Variants in DNAH3 observed in about 807,000 individuals in gnomAD.
DNAH3 encodes axonemal beta dynein heavy chain 3.
A neutral mutation model predicts 432.5 loss-of-function variants in DNAH3; 332 were observed. That is an observed-to-expected ratio of 0.77 (90% confidence interval 0.70 to 0.84). DNAH3 has a LOEUF of 0.84. Ranked by LOEUF, DNAH3 falls within the 40% of genes least tolerant of loss-of-function variation. DNAH3 has a pLI of 0.00. For synonymous variants in DNAH3, 1,956 were observed against 1,900.2 expected, an observed-to-expected ratio of 1.03 and a Z score of -0.76; for missense variants, 4,861 against 5,114.0, an observed-to-expected ratio of 0.95 and a Z score of 1.51.
intron 23 of DNAH3, among the ~76,000 whole-genome samples, chr16:21,068,848 T>G (rs1302406044): frequency 6.6e-6 from 1 of 152,132 alleles, no homozygotes; most frequent in African/African-American, 2.4e-5. Context: ...TAATACAAAC[T>G]GCCTATAGTT....
At chr16:21,157,286 G>C (rs1048784008) in intron 1 of DNAH3, among the ~76,000 whole-genome samples, 13 of 150,796 alleles carry the variant, frequency 8.6e-5, no homozygotes, top group Non-Finnish European at 4.4e-5. Context: ...GTTCTCGACA[G>C]CCACAGCCAC....
intron 7 of DNAH3, among the ~76,000 whole-genome samples, chr16:21,132,414 G>A (rs781639079): frequency 5.9e-5 from 9 of 152,260 alleles, no homozygotes; most frequent in South Asian, 2.1e-4. Context: ...AGTGAACTCC[G>A]GTGTCTTCAT....
intron 24 of DNAH3, 96 bp downstream of exon 24, chr16:21,067,187 T>C: frequency 7.5e-7 from 1 of 1,338,046 alleles, no homozygotes. Context: ...GAGTATGGAC[T>C]AGATTGGTTG....
At chr16:20,950,672 T>A (rs897698534) in intron 56 of DNAH3, among the ~76,000 whole-genome samples, 1 of 152,194 alleles carries the variant, frequency 6.6e-6, no homozygotes, top group Non-Finnish European at 1.5e-5. Context: ...GGAAATTGGG[T>A]GTGATCTTGA....
chr16:21,070,866 C>A (rs781515422), intron 21 of DNAH3, 40 bp from the exon 22 acceptor site: 6 of 1,245,238 alleles, frequency 4.8e-6, no homozygotes, highest in Non-Finnish European at 7.1e-6. Flanking sequence ...GATTGTGAAA[C>A]CTCCCCATTT....
At chr16:20,980,726 A>G (rs751581632) in intron 49 of DNAH3, among the ~76,000 whole-genome samples, 6 of 152,304 alleles carry the variant, frequency 3.9e-5, no homozygotes, top group Non-Finnish European at 7.4e-5. Context: ...CAGAATTACC[A>G]TGGAAACCAA....
chr16:20,941,587 A>G (rs748505014), intron 58 of DNAH3, 44 bp from the exon 59 acceptor site: 1 of 1,608,658 alleles, frequency 6.2e-7, no homozygotes, highest in Non-Finnish European at 8.5e-7. Flanking sequence ...AGCAAGCCCT[A>G]CAGGCTGTGG....
intron 42 of DNAH3, 63 bp from the exon 43 acceptor site, chr16:21,000,581 T>C (rs2086971790): frequency 1.4e-6 from 2 of 1,445,664 alleles, no homozygotes; most frequent in Non-Finnish European, 1.9e-6. Flanking sequence ...GTCTTGGCAT[T>C]CAAGAGACCT....
rs747112039 is a variant in DNAH3 at position 20,982,714 on chromosome 16, C to T, written c.7859+7G>A. On this transcript the variant is annotated splice_region_variant and intron_variant, in intron 49 of 61. Transcript: ENST00000261383. ...ATCTAGAGTCCTAAAATGCAATCAA[C>T]ACTTACTCTACCCGAATGTTGTCAT... 23 of 1,611,998 alleles carry T rather than the reference C, an allele frequency of 1.4e-5. No homozygotes were observed. In the Middle Eastern group the frequency reaches 2.5e-3, roughly 174 times the overall value.
At chr16:21,106,580 A>T (rs778121705) in exon 15 of DNAH3, 13 of 1,612,242 alleles carry the variant, frequency 8.1e-6, no homozygotes, top group Non-Finnish European at 1.1e-5. Flanking sequence ...ACAGCACTGG[A>T]TTTCTTTAGG....
intron 51 of DNAH3, among the ~76,000 whole-genome samples, chr16:20,974,985 G>GTTT (rs35783206): frequency 3.3e-5 from 4 of 120,794 alleles, no homozygotes; most frequent in Admixed American, 2.7e-4. Flanking sequence ...CACCTGGCTA[G>GTTT]TTTTTTTTTT....
intron 51 of DNAH3, among the ~76,000 whole-genome samples, chr16:20,973,183 T>C (rs1459443368): frequency 6.6e-6 from 1 of 151,442 alleles, no homozygotes; most frequent in Admixed American, 6.6e-5. Context: ...CCACTAACCA[T>C]GCAGCTCTGG....
rs13332795 is a variant in DNAH3, at chr16:21,077,236, C to T, written c.2970-1675G>A. On this transcript the variant is annotated intron_variant, in intron 20 of 61. Coordinates refer to ENST00000261383, the Ensembl canonical transcript of DNAH3. ...GGAGTGCAGTGGCATGATCTTGGCT[C>T]ACTGCAACCTCTGCCTCCCGGATTC... Among the ~76,000 whole-genome samples, 1,037 of 152,148 alleles carry T rather than the reference C, an allele frequency of 6.8e-3. 22 individuals carry two copies. The highest frequency in any genetic ancestry group is 0.024 in the African/African-American group (994 of 41,504).
At chr16:20,985,948 T>G (rs1216675079) in intron 47 of DNAH3, among the ~76,000 whole-genome samples, 1 of 151,438 alleles carries the variant, frequency 6.6e-6, no homozygotes, top group African/African-American at 2.4e-5. Context: ...CTCTGCCTCC[T>G]GGGTTCAAGC....
chr16:21,145,358 A>C (rs1483619157), exon 3 of DNAH3: 1 of 1,614,192 alleles, frequency 6.2e-7, no homozygotes, highest in Non-Finnish European at 8.5e-7. Context: ...GCCAAGGTCC[A>C]TGACGTGCGT....
At chr16:20,964,102 T>C in exon 53 of DNAH3, 1 of 1,614,186 alleles carries the variant, frequency 6.2e-7, no homozygotes, top group Non-Finnish European at 8.5e-7. Flanking sequence ...GGACAGAACT[T>C]TGATGGCGGT....
At chr16:20,987,887 GCCAGAAA>G (rs1042929899) in intron 45 of DNAH3, 38 bp from the exon 46 acceptor site, 5 of 1,613,876 alleles carry the variant, frequency 3.1e-6, no homozygotes, top group African/African-American at 1.3e-5. Flanking sequence ...TCAAGGAGGG[GCCAGAAA>G]CTGAGAACCC....
At chr16:20,984,029 G>GAAAAAAAAAAAAAAAAAAA (rs61475224) in intron 48 of DNAH3, among the ~76,000 whole-genome samples, 46 of 112,128 alleles carry the variant, frequency 4.1e-4, no homozygotes, top group Middle Eastern at 4.6e-3. Flanking sequence ...CCTATATCCA[G>GAAAAAAAAAAAAAAAAAAA]AAAAAAAAAA....
rs895148980 is a variant in DNAH3, at chr16:21,112,166, G to A, written c.1815-68C>T. On this transcript the variant is annotated intron_variant, in intron 12 of 61. Transcript: ENST00000261383. ...TCAACCAAATCAGATGAGTCAGAGTGGCAAATGAAGACATAGTAGCATTTT... is the reference window on the plus strand; with the variant it reads ...TCAACCAAATCAGATGAGTCAGAGTAGCAAATGAAGACATAGTAGCATTTT... 27 of 1,045,162 alleles carry A rather than the reference G, an allele frequency of 2.6e-5. No homozygotes were observed. The African/African-American group carries it at 3.2e-4, about 12-fold the overall frequency. The allele number at this position is 1,045,162 out of a possible 1,614,324, so 64.7% of individuals were successfully genotyped here.
Sources: allele counts gnomAD v4.1 joint callset (sites outside exome capture counted in the v4.1 genomes callset), GRCh38; gene constraint gnomAD v4.1.1; transcripts MANE v1.5; gene names NCBI Gene and HGNC (gene_info 2026-07-23, HGNC 2026-07-21).